KCNMB2: variants seen among roughly 807,000 people sequenced by gnomAD.
KCNMB2 encodes the protein potassium calcium-activated channel subfamily M regulatory beta subunit 2.
KCNMB2 carries 9 observed loss-of-function variants against 24.5 expected under a neutral mutation model. The ratio of observed to expected loss-of-function variants is 0.37; its 90% CI spans 0.22 to 0.64. The LOEUF (loss-of-function observed/expected upper bound fraction) is 0.64. KCNMB2 is among the 30% of genes least tolerant of loss of function. KCNMB2 has a pLI of 0.63. For synonymous variants in KCNMB2, 109 were observed against 104.4 expected (o/e 1.04, Z -0.27); for missense variants, 226 against 284.3 (o/e 0.79, Z 1.47).
intron 1 of KCNMB2, among the ~76,000 whole-genome samples, chr3:178,761,421 C>A (rs1290205044): frequency 6.6e-6 from 1 of 152,224 alleles, no homozygotes; most frequent in Admixed American, 6.5e-5. Context: ...TCTTTCTTAA[C>A]AGATATTATT....
intron 2 of KCNMB2, among the ~76,000 whole-genome samples, chr3:178,817,516 G>C (rs1714456959): frequency 6.6e-6 from 1 of 152,136 alleles, no homozygotes; most frequent in South Asian, 2.1e-4. Flanking sequence ...GAAATAACAG[G>C]TGTGTTCTCG....
intron 1 of KCNMB2, among the ~76,000 whole-genome samples, chr3:178,753,961 T>C (rs1189138465): frequency 6.6e-6 from 1 of 150,696 alleles, no homozygotes; most frequent in African/African-American, 2.4e-5. Flanking sequence ...CCCATCAGAC[T>C]CTCATAACCA....
chr3:178,806,298 T>G (rs943631912), intron 1 of KCNMB2, among the ~76,000 whole-genome samples: 1 of 151,886 alleles, frequency 6.6e-6, no homozygotes, highest in African/African-American at 2.4e-5. Flanking sequence ...CCTTGCAGAG[T>G]TTTCATTGTA....
chr3:178,665,826 T>C (rs915586609), intron 1 of KCNMB2, among the ~76,000 whole-genome samples: 1 of 152,140 alleles, frequency 6.6e-6, no homozygotes, highest in Non-Finnish European at 1.5e-5. Flanking sequence ...AGGAGAATAA[T>C]AAATGGTGAT....
At chr3:178,573,013 GA>G in intron 1 of KCNMB2, among the ~76,000 whole-genome samples, 1 of 151,980 alleles carries the variant, frequency 6.6e-6, no homozygotes, top group Non-Finnish European at 1.5e-5. Flanking sequence ...AAATACATTT[GA>G]GGAAGAATTT....
At chr3:178,635,272 A>T (rs1053135673) in intron 1 of KCNMB2, among the ~76,000 whole-genome samples, 1 of 152,124 alleles carries the variant, frequency 6.6e-6, no homozygotes. Context: ...TTTGGATACA[A>T]ATTGCTGATT....
At chr3:178,840,494 C>T (rs1715390283) in intron 4 of KCNMB2, among the ~76,000 whole-genome samples, 1 of 152,252 alleles carries the variant, frequency 6.6e-6, no homozygotes, top group Non-Finnish European at 1.5e-5. Context: ...ATTGCCCTAG[C>T]AGAGGTTCTC....
intron 1 of KCNMB2, among the ~76,000 whole-genome samples, chr3:178,726,502 T>C (rs549840069): frequency 2.2e-4 from 33 of 152,128 alleles, no homozygotes; most frequent in African/African-American, 6.5e-4. Flanking sequence ...TGACTTGACT[T>C]GAAAGTGTTT....
chr3:178,838,878 G>C (rs1206596813), intron 4 of KCNMB2, among the ~76,000 whole-genome samples: 3 of 151,880 alleles, frequency 2.0e-5, no homozygotes, highest in Non-Finnish European at 4.4e-5. Flanking sequence ...TGCAAAAATT[G>C]GTAAATGACA....
At chr3:178,758,586 CCAAGAGGAGATATATA>C (rs1711500475) in intron 1 of KCNMB2, among the ~76,000 whole-genome samples, 1 of 13,594 alleles carries the variant, frequency 7.4e-5, no homozygotes, top group African/African-American at 3.6e-4. Context: ...ATATATATAT[CCAAGAGGAGATATATA>C]TATCTCCAAG....
intron 4 of KCNMB2, among the ~76,000 whole-genome samples, chr3:178,836,856 C>A (rs1468127448): frequency 1.3e-5 from 2 of 152,076 alleles, no homozygotes; most frequent in African/African-American, 4.8e-5. Context: ...ATCTAAATTA[C>A]ATTTTCCAAC....
chr3:178,766,820 A>G (rs944486505), intron 1 of KCNMB2, among the ~76,000 whole-genome samples: 1 of 152,206 alleles, frequency 6.6e-6, no homozygotes, highest in East Asian at 1.9e-4. Flanking sequence ...TAATTAAACA[A>G]CTTACATACC....
chr3:178,719,392 A>T (rs1431882236), intron 1 of KCNMB2, among the ~76,000 whole-genome samples: 1 of 152,244 alleles, frequency 6.6e-6, no homozygotes, highest in Non-Finnish European at 1.5e-5. Context: ...GATCCCCAGA[A>T]ACTAGGAATG....
intron 1 of KCNMB2, among the ~76,000 whole-genome samples, chr3:178,752,793 G>A (rs913756034): frequency 1.3e-5 from 2 of 152,108 alleles, no homozygotes; most frequent in Admixed American, 6.6e-5. Flanking sequence ...AAGATGACAC[G>A]ATATTGTCTA....
At chr3:178,656,645 T>C (rs1361992348) in intron 1 of KCNMB2, among the ~76,000 whole-genome samples, 1 of 151,730 alleles carries the variant, frequency 6.6e-6, no homozygotes, top group Non-Finnish European at 1.5e-5. Flanking sequence ...TGGCGGTGGG[T>C]GCCTGTAATC....
chr3:178,574,503 ATGT>A (rs1716919800), intron 1 of KCNMB2, among the ~76,000 whole-genome samples: 1 of 152,174 alleles, frequency 6.6e-6, no homozygotes, highest in East Asian at 1.9e-4. Context: ...CCACCATGTA[ATGT>A]TGATTCTCTT....
chr3:178,565,066 A>G (rs1263145179), intron 1 of KCNMB2, among the ~76,000 whole-genome samples: 1 of 152,160 alleles, frequency 6.6e-6, no homozygotes, highest in Non-Finnish European at 1.5e-5. Flanking sequence ...AAAATATCAT[A>G]AGTAGAAAAA....
At chr3:178,609,526 G>A (rs1239991929) in intron 1 of KCNMB2, among the ~76,000 whole-genome samples, 1 of 151,916 alleles carries the variant, frequency 6.6e-6, no homozygotes, top group Non-Finnish European at 1.5e-5. Flanking sequence ...GCCTGTGCTT[G>A]TAGGGTATTG....
intron 1 of KCNMB2, among the ~76,000 whole-genome samples, chr3:178,557,969 C>T (rs1336943817): frequency 6.6e-6 from 1 of 152,122 alleles, no homozygotes; most frequent in Non-Finnish European, 1.5e-5. Context: ...GCCTCCTGAC[C>T]TCTGCTGTGA....
Sources: gnomAD v4.1 joint callset for allele counts (sites outside exome capture counted in the v4.1 genomes callset) on GRCh38, gnomAD v4.1.1 for gene constraint, MANE v1.5 for transcripts, NCBI Gene and HGNC (gene_info 2026-07-23, HGNC 2026-07-21) for gene names.